SLC9A4: variants seen among roughly 807,000 people sequenced by gnomAD.
SLC9A4 encodes sodium/hydrogen exchanger 4.
Under a neutral mutation model 67.4 loss-of-function variants are expected in SLC9A4, and 63 were observed. The ratio of observed to expected loss-of-function variants is 0.93; its 90% CI spans 0.76 to 1.15. The LOEUF is 1.15. Among genes scored for constraint, SLC9A4 ranks in the 50% most tolerant of loss-of-function variants. The pLI, the probability that SLC9A4 is intolerant of heterozygous loss-of-function variation, is 0.00. For missense variants in SLC9A4, 1,089 were observed against 987.7 expected, an observed-to-expected ratio of 1.10 and a Z score of -1.38; for synonymous variants, 393 against 367.2, an observed-to-expected ratio of 1.07 and a Z score of -0.80.
chr2:102,478,951 G>C lies in SLC9A4; in HGVS notation c.369G>C (p.Pro123=), dbSNP rs767431632. ...IIFGTDHKSP[P]VMDSSIYFLY... ...TCGGCACCGACCACAAATCGCCTCC[G>C]GTCATGGACTCCAGCATCTACTTCC... is the stretch of plus-strand genomic sequence containing the variant. Residue 123 remains proline, a synonymous_variant, in exon 2 of 12, where the codon CCG becomes CCC. Coordinates refer to ENST00000295269, the MANE Select transcript of SLC9A4 (RefSeq NM_001011552.4). 2 of 1,613,890 alleles carry C rather than the reference G, an allele frequency of 1.2e-6. No homozygotes were observed. The highest frequency in any genetic ancestry group is 4.5e-5 in the East Asian group (2 of 44,882).
intron 8 of SLC9A4, among the ~76,000 whole-genome samples, chr2:102,517,131 C>G (rs1685290752): frequency 6.6e-6 from 1 of 152,154 alleles, no homozygotes; most frequent in Admixed American, 6.5e-5. Flanking sequence ...TTTTGAGGAG[C>G]AGCATCATCT....
intron 2 of SLC9A4, among the ~76,000 whole-genome samples, chr2:102,491,162 AG>A (rs937802877): frequency 6.6e-6 from 1 of 152,188 alleles, no homozygotes; most frequent in African/African-American, 2.4e-5. Flanking sequence ...CAATCCTACA[AG>A]ATTCCTAGAA....
chr2:102,490,329 T>C (rs1256811010), intron 2 of SLC9A4, among the ~76,000 whole-genome samples: 2 of 152,202 alleles, frequency 1.3e-5, no homozygotes, highest in South Asian at 2.1e-4. Context: ...TTTTATTCTT[T>C]CACATTATGG....
chr2:102,507,161 G>A (rs144351239), intron 4 of SLC9A4, among the ~76,000 whole-genome samples: 29 of 152,258 alleles, frequency 1.9e-4, no homozygotes, highest in African/African-American at 6.7e-4. Context: ...CTCGCTCAAG[G>A]TCACATGACT....
In SLC9A4 at chr2:102,508,924, T is replaced by A. The variant is rs1685103178; in HGVS notation, c.1479T>A (p.Leu493=). 3 of 1,610,842 alleles carry A rather than the reference T, an allele frequency of 1.9e-6. No individual in the cohort carries two copies. The highest frequency in any genetic ancestry group is 2.5e-6 in the Non-Finnish European group (3 of 1,178,802). ...AAAAAGAATCCATCAATGAAGAGCT[T>A]CATATTCGTGTAAGTTATCTCATAG... ...TNKKESINEE[L]HIRLMDHLKA... is the part of the protein sequence containing the mutation. The change falls in exon 6 of 12, where the codon CTT becomes CTA. Residue 493 remains leucine, a synonymous_variant. Transcript: ENST00000295269.
At chr2:102,524,556 T>TTGTGTGTGTGTGTG (rs147920382) in intron 9 of SLC9A4, among the ~76,000 whole-genome samples, 11,704 of 145,242 alleles carry the variant, frequency 0.081, 515 homozygotes, top group African/African-American at 0.13. Flanking sequence ...GTGATAGGAA[T>TTGTGTGTGTGTGTG]TGTGTGTGTG....
At chr2:102,508,997 C>G in intron 6 of SLC9A4, 64 bp downstream of exon 6, 1 of 1,368,772 alleles carries the variant, frequency 7.3e-7, no homozygotes, top group Non-Finnish European at 1.0e-6. Flanking sequence ...CACCATGAGA[C>G]ATGTGCACGT....
At chr2:102,486,649 G>T (rs77970064) in intron 2 of SLC9A4, among the ~76,000 whole-genome samples, 2 of 152,098 alleles carry the variant, frequency 1.3e-5, no homozygotes, top group Non-Finnish European at 2.9e-5. Context: ...TATGGGGGGC[G>T]TGGACCTACA....
chr2:102,495,867 T>C (rs1000848925), intron 2 of SLC9A4, among the ~76,000 whole-genome samples: 3 of 151,988 alleles, frequency 2.0e-5, no homozygotes, highest in African/African-American at 7.2e-5. Flanking sequence ...TAACACAACA[T>C]GTATCATAGA....
chr2:102,523,238 T>G (rs1674581813), intron 9 of SLC9A4, among the ~76,000 whole-genome samples: 1 of 152,082 alleles, frequency 6.6e-6, no homozygotes, highest in Non-Finnish European at 1.5e-5. Flanking sequence ...CCTCCTGAAG[T>G]GCTAGGATTA....
At chr2:102,480,419 A>C (rs1033834574) in intron 2 of SLC9A4, among the ~76,000 whole-genome samples, 2 of 151,398 alleles carry the variant, frequency 1.3e-5, no homozygotes, top group African/African-American at 4.9e-5. Flanking sequence ...GCTGGAGTGC[A>C]ATGATGCAGC....
chr2:102,525,205 T>G (rs1558674496), intron 10 of SLC9A4, 50 bp downstream of exon 10: 2 of 1,610,516 alleles, frequency 1.2e-6, no homozygotes, highest in South Asian at 1.1e-5. Context: ...CAAGTGTTTG[T>G]CATCTGCTGA....
At chr2:102,506,554 C>G (rs1031245612) in intron 4 of SLC9A4, among the ~76,000 whole-genome samples, 2 of 152,132 alleles carry the variant, frequency 1.3e-5, no homozygotes, top group Non-Finnish European at 2.9e-5. Context: ...TATCTTAAAT[C>G]ATTATCACCG....
At chr2:102,528,090 C>T (rs994680864) in intron 11 of SLC9A4, among the ~76,000 whole-genome samples, 1 of 152,124 alleles carries the variant, frequency 6.6e-6, no homozygotes, top group Non-Finnish European at 1.5e-5. Flanking sequence ...TCACTGTAAC[C>T]TCTGCCTCTT....
At chr2:102,501,344 C>A (rs1404250318) in intron 2 of SLC9A4, among the ~76,000 whole-genome samples, 4 of 152,154 alleles carry the variant, frequency 2.6e-5, no homozygotes, top group African/African-American at 4.8e-5. Context: ...TGGTCTCGAA[C>A]TCCTGAGCTC....
At chr2:102,494,869 G>A (rs1384625145) in intron 2 of SLC9A4, among the ~76,000 whole-genome samples, 1 of 152,034 alleles carries the variant, frequency 6.6e-6, no homozygotes, top group Non-Finnish European at 1.5e-5. Flanking sequence ...GGCAGAAAAT[G>A]ACAATTCTAT....
intron 4 of SLC9A4, 92 bp from the exon 5 acceptor site, chr2:102,507,987 T>C (rs1685082889): frequency 1.6e-6 from 2 of 1,214,966 alleles, no homozygotes; most frequent in East Asian, 4.7e-5. Context: ...CTGCATTGTT[T>C]GCAGGGCACG....
At chr2:102,475,058 T>C (rs116385568) in intron 1 of SLC9A4, among the ~76,000 whole-genome samples, 1,764 of 152,328 alleles carry the variant, frequency 0.012, 34 homozygotes, top group African/African-American at 0.04. Flanking sequence ...TCCTTTATAG[T>C]TGCTATTCAT....
intron 11 of SLC9A4, among the ~76,000 whole-genome samples, chr2:102,528,953 T>C (rs1674723323): frequency 6.6e-6 from 1 of 152,236 alleles, no homozygotes; most frequent in South Asian, 2.1e-4. Flanking sequence ...AAGAGGATGA[T>C]ATTGGTTCCC....
Sources: gnomAD v4.1 joint callset for allele counts (sites outside exome capture counted in the v4.1 genomes callset) on GRCh38, gnomAD v4.1.1 for gene constraint, MANE v1.5 for transcripts, NCBI Gene and HGNC (gene_info 2026-07-23, HGNC 2026-07-21) for gene names.